NFE2L3: variants seen among roughly 807,000 people sequenced by gnomAD.
The protein encoded by NFE2L3 is NFE2 like bZIP transcription factor 3, also known as nuclear factor erythroid 2-related factor 3.
A neutral mutation model predicts 23.5 loss-of-function variants in NFE2L3; 18 were observed. That is an observed-to-expected ratio of 0.77 (90% CI 0.53 to 1.13). The LOEUF is 1.13. NFE2L3 is among the 50% of genes most tolerant of loss of function. NFE2L3 has a pLI of 0.00. For missense variants in NFE2L3, 1,152 were observed against 877.2 expected, an observed-to-expected ratio of 1.31 and a Z score of -3.96; for synonymous variants, 424 against 354.5, an observed-to-expected ratio of 1.20 and a Z score of -2.20.
intron 1 of NFE2L3, among the ~76,000 whole-genome samples, chr7:26,163,060 GC>G (rs1784196782): frequency 6.6e-6 from 1 of 152,068 alleles, no homozygotes. Flanking sequence ...GGTGGATAAT[GC>G]CCCCCTCCCC....
Position 26,183,723 on chromosome 7 carries a change from C to G in NFE2L3, c.773C>G (p.Thr258Ser), listed in dbSNP as rs755242482. Reference protein sequence around the residue: ...RNERHLNGTDTSFSLEDLFQL... With the variant: ...RNERHLNGTDSSFSLEDLFQL... ...CAGAGACATCTGAATGGGACAGATA[C>G]TTCTTTCTCTCTGGAAGACTTATTC... The change falls in exon 3 of 4, where the codon ACT becomes AGT. Residue 258 changes from threonine to serine, a missense_variant. Coordinates refer to ENST00000056233, the MANE Select transcript of NFE2L3 (RefSeq NM_004289.7). The G allele has an allele frequency of 6.2e-7, 1 of 1,612,218 alleles. No individual in the cohort carries two copies. Among genetic ancestry groups the G allele is most frequent in the Non-Finnish European group, 8.5e-7 (1 of 1,178,388 alleles).
chr7:26,181,735 T>C (rs1784515000), intron 2 of NFE2L3, among the ~76,000 whole-genome samples: 1 of 152,156 alleles, frequency 6.6e-6, no homozygotes, highest in African/African-American at 2.4e-5. Context: ...GTGTTTAAAT[T>C]GTTCATAGGA....
intron 2 of NFE2L3, among the ~76,000 whole-genome samples, chr7:26,182,546 T>G (rs1312206738): frequency 1.4e-5 from 2 of 145,018 alleles, no homozygotes; most frequent in Non-Finnish European, 2.9e-5. Flanking sequence ...ATCAATCACT[T>G]GAACCCAGGA....
At chr7:26,157,923 A>C (rs1379786963) in intron 1 of NFE2L3, among the ~76,000 whole-genome samples, 1 of 152,214 alleles carries the variant, frequency 6.6e-6, no homozygotes, top group Admixed American at 6.5e-5. Context: ...GTTTGCTGGC[A>C]ATCTTTGGCA....
Position 26,185,805 on chromosome 7 carries a change from T to TATTA in NFE2L3, c.*23_*26dup. ...GTGAGAAGAAACTGAAGATGGACTCTATTATGTGAAGTAGTAATGTTCAGA... is the reference window on the plus strand; with the variant it reads ...GTGAGAAGAAACTGAAGATGGACTCTATTAATTATGTGAAGTAGTAATGTTCAGA... On this transcript the variant is annotated 3_prime_UTR_variant, in exon 4 of 4. Transcript: ENST00000056233. 6.4e-7 allele frequency: 1 copy of TATTA among 1,558,096 alleles called. No individual in the cohort carries two copies. Among genetic ancestry groups the TATTA allele is most frequent in the Non-Finnish European group, 8.6e-7 (1 of 1,158,724 alleles).
rs1328079673 is a variant in NFE2L3, at chr7:26,185,500, A to G, written c.1802A>G (p.Asp601Gly). ...AAQNCRKRKL[D>G]IILNLEDDVC... ...CAGAACTGTCGTAAACGCAAATTGG[A>G]CATAATTTTGAATTTAGAAGATGAT... The change falls in exon 4 of 4, where the codon GAC becomes GGC. Residue 601 changes from aspartate to glycine, a missense_variant. Asp to Gly is a moderately conservative substitution (Grantham distance 94). Transcript: ENST00000056233. 1 of 1,614,004 alleles carries G rather than the reference A, an allele frequency of 6.2e-7. No homozygotes were observed.
In NFE2L3 at chr7:26,152,672, G is replaced by T; in HGVS notation, c.174G>T (p.Ala58=). The change falls in exon 1 of 4, where the codon GCG becomes GCT. Residue 58 remains alanine (A), a synonymous_variant. Coordinates refer to ENST00000056233, the MANE Select transcript of NFE2L3 (RefSeq NM_004289.7). This position sits in a 1 kb window ranked among gnomAD's most constrained non-coding sequence, Gnocchi z 4.4. The part of the protein sequence containing the change: ...FLGGPASSAY[A]LSPFSASGGW... ...GCGGCCCGGCCAGCTCCGCCTACGC[G>T]CTCAGCCCCTTCTCGGCCTCGGGAG... 1 of 1,489,122 alleles carries T rather than the reference G, an allele frequency of 6.7e-7. No individual in the cohort carries two copies. The highest frequency in any genetic ancestry group is 8.9e-7 in the Non-Finnish European group (1 of 1,126,806). The allele number at this position is 1,489,122 out of a possible 1,614,324, so 92.2% of individuals were successfully genotyped here.
chr7:26,180,302 C>T (rs1450858393), intron 2 of NFE2L3, among the ~76,000 whole-genome samples: 1 of 152,142 alleles, frequency 6.6e-6, no homozygotes, highest in Non-Finnish European at 1.5e-5. Context: ...TTCACTCTGA[C>T]CAGTGGAGCT....
intron 1 of NFE2L3, among the ~76,000 whole-genome samples, chr7:26,176,743 G>A (rs1463543769): frequency 3.0e-5 from 2 of 65,860 alleles, no homozygotes; most frequent in South Asian, 7.2e-4. Flanking sequence ...ATGGGCAGCC[G>A]GGCAGAGGCG....
At chr7:26,179,012 GCC>G (rs1784462277) in intron 2 of NFE2L3, among the ~76,000 whole-genome samples, 1 of 152,070 alleles carries the variant, frequency 6.6e-6, no homozygotes, top group African/African-American at 2.4e-5. Flanking sequence ...GGTAGCCCTG[GCC>G]ATGTAATATT....
chr7:26,153,175 C>T (rs1214121002), intron 1 of NFE2L3, 107 bp downstream of exon 1: 23 of 1,144,454 alleles, frequency 2.0e-5, no homozygotes, highest in Non-Finnish European at 2.7e-5. Flanking sequence ...GTCCTGGCAC[C>T]CTTAGCCCCT....
chr7:26,185,657 A>G lies in NFE2L3; in HGVS notation c.1959A>G (p.Gln653=), dbSNP rs1469684264. The change falls in exon 4 of 4, where the codon CAA becomes CAG. Residue 653 remains glutamine (Q), a synonymous_variant. Transcript: ENST00000056233. The stretch of plus-strand genomic sequence containing the variant: ...TTTTTAGTAGATTAAGAGATGACCA[A>G]GGTAGGCCAGTCAATCCCAACCACT... ...HDIFSRLRDD[Q]GRPVNPNHYA... The G allele has an allele frequency of 1.9e-6, 3 of 1,613,938 alleles. No homozygotes were observed. Among genetic ancestry groups the G allele is most frequent in the Non-Finnish European group, 2.5e-6 (3 of 1,179,822 alleles).
At chr7:26,184,243 A>AGCGGTTGG in intron 3 of NFE2L3, 1 of 381,954 alleles carries the variant, frequency 2.6e-6, no homozygotes, top group Non-Finnish European at 4.7e-6. Flanking sequence ...GCATCTTATT[A>AGCGGTTGG]TAAAGTAGCA....
chr7:26,183,923 TA>T, intron 3 of NFE2L3, 139 bp downstream of exon 3: 1 of 626,138 alleles, frequency 1.6e-6, no homozygotes, highest in East Asian at 2.7e-5. Flanking sequence ...AGCTTAGAAT[TA>T]ACCAAATATG....
intron 1 of NFE2L3, among the ~76,000 whole-genome samples, chr7:26,156,882 G>T (rs907027047): frequency 1.3e-5 from 2 of 151,978 alleles, no homozygotes; most frequent in Non-Finnish European, 2.9e-5. Flanking sequence ...GGAGGCCGAG[G>T]CAGGAGGATT....
intron 1 of NFE2L3, among the ~76,000 whole-genome samples, chr7:26,161,787 T>C (rs1046209554): frequency 6.6e-6 from 1 of 152,088 alleles, no homozygotes; most frequent in African/African-American, 2.4e-5. Flanking sequence ...GGTTGGGGAA[T>C]GGGGATCTAG....
At chr7:26,168,381 C>T (rs549805948) in intron 1 of NFE2L3, among the ~76,000 whole-genome samples, 1 of 152,080 alleles carries the variant, frequency 6.6e-6, no homozygotes, top group African/African-American at 2.4e-5. Context: ...AGGTGATCCA[C>T]CTGCCTCGCC....
In NFE2L3 at chr7:26,185,776, G is replaced by C. The variant is rs1048065539; in HGVS notation, c.2078G>C (p.Arg693Thr). The change falls in exon 4 of 4, where the codon AGA becomes ACA. Residue 693 changes from arginine to threonine, a missense_variant. Transcript: ENST00000056233. The stretch of plus-strand genomic sequence containing the variant: ...AAAAAGGAAACCCAAAAGGGAAAGA[G>C]AAAGTGAGAAGAAACTGAAGATGGA... ...GHKKETQKGK[R>T]K 1.5e-5 allele frequency: 23 copies of C among 1,578,254 alleles called. No homozygotes were observed. Among genetic ancestry groups the C allele is most frequent in the Admixed American group, 1.0e-4 (5 of 47,868 alleles).
chr7:26,172,692 CAATG>C (rs1784343718), intron 1 of NFE2L3, among the ~76,000 whole-genome samples: 1 of 152,120 alleles, frequency 6.6e-6, no homozygotes, highest in Non-Finnish European at 1.5e-5. Context: ...GATGTTTCCT[CAATG>C]ATTAGATTGA....
Sources: allele counts gnomAD v4.1 joint callset (sites outside exome capture counted in the v4.1 genomes callset), GRCh38; gene constraint gnomAD v4.1.1; non-coding constraint Gnocchi (gnomAD v3.1); transcripts MANE v1.5; gene names NCBI Gene and HGNC (gene_info 2026-07-23, HGNC 2026-07-21).